Variants in GPR157 observed in about 807,000 individuals in gnomAD.
GPR157 encodes G-protein coupled receptor 157.
Under a neutral mutation model 23.5 loss-of-function variants are expected in GPR157, and 16 were observed. That is an observed-to-expected ratio of 0.68 (90% CI 0.46 to 1.04). The LOEUF (loss-of-function observed/expected upper bound fraction) is 1.04. Among genes scored for constraint, GPR157 ranks in the 50% least tolerant of loss-of-function variants. The pLI, the probability that GPR157 is intolerant of heterozygous loss-of-function variation, is 0.00. For missense variants in GPR157, 440 were observed against 460.7 expected, an observed-to-expected ratio of 0.96 and a Z score of 0.41; for synonymous variants, 200 against 221.5, an observed-to-expected ratio of 0.90 and a Z score of 0.86.
intron 1 of GPR157, among the ~76,000 whole-genome samples, chr1:9,116,199 A>ATATATAATTATATTATATATATTATAT (rs1638642369): frequency 1.0e-4 from 1 of 9,622 alleles, no homozygotes; most frequent in Admixed American, 2.9e-3. Flanking sequence ...TAATATAATT[A>ATATATAATTATATTATATATATTATAT]TATATATAAT....
chr1:9,110,389 G>C (rs12740237), intron 2 of GPR157, among the ~76,000 whole-genome samples: 1 of 152,018 alleles, frequency 6.6e-6, no homozygotes, highest in African/African-American at 2.4e-5. Flanking sequence ...TGGGCGTGGC[G>C]GCACGTGCCT....
intron 1 of GPR157, among the ~76,000 whole-genome samples, chr1:9,112,774 C>T (rs535841793): frequency 1.1e-4 from 16 of 152,104 alleles, no homozygotes; most frequent in Non-Finnish European, 1.3e-4. Context: ...TTCTAGAGCG[C>T]TCTCCCACAG....
At position 9,123,174 on chromosome 1, in the gene GPR157, AATAT is replaced by A. The variant is rs768439052; in HGVS notation, c.383+5467_383+5470del. Among the ~76,000 whole-genome samples the A allele has an allele frequency of 2.0e-4, 24 of 117,078 alleles. 2 individuals carry two copies. Among genetic ancestry groups the A allele is most frequent in the South Asian group, 7.5e-4 (3 of 4,016 alleles). The allele number at this position is 117,078 out of a possible 152,430, so 76.8% of individuals were successfully genotyped here. A position where few individuals can be genotyped will look rare whatever the true frequency, so the allele number is the denominator to read the frequency against. On this transcript the variant is annotated intron_variant, in intron 1 of 3. Transcript: ENST00000377411. Reference sequence around the variant, plus strand: ...ACTGTCTTGGGTGGGAAAAAAAAAAAATATATATATATATATATAAATAAAATTT... The same window carrying A: ...ACTGTCTTGGGTGGGAAAAAAAAAAAATATATATATATATAAATAAAATTT...
At position 9,105,485 on chromosome 1, in the gene GPR157, C is replaced by T. The variant is rs1638270578; in HGVS notation, c.792+1G>A. On this transcript the variant is annotated splice_donor_variant, in intron 3 of 3. Coordinates refer to ENST00000377411, the MANE Select transcript of GPR157 (RefSeq NM_024980.5). LOFTEE classifies it high-confidence loss of function. This position sits in a 1 kb window ranked among gnomAD's most constrained non-coding sequence, Gnocchi z 4.8. ...ACAAGGGCCAGGGAGGGCAGACCTA[C>T]ATGCAGAACCACCAGCACCGGCGTC... The T allele has an allele frequency of 6.4e-7, 1 of 1,557,498 alleles. No individual in the cohort carries two copies. The highest frequency in any genetic ancestry group is 1.2e-5 in the South Asian group (1 of 84,180).
At chr1:9,111,188 C>T (rs956227219) in intron 2 of GPR157, 88 bp downstream of exon 2, 24 of 1,258,304 alleles carry the variant, frequency 1.9e-5, no homozygotes, top group Non-Finnish European at 2.7e-5. Context: ...CGCAACCTGT[C>T]CCCTCGGGGG....
chr1:9,104,325 C>G lies in GPR157; in HGVS notation c.*94G>C, dbSNP rs1193630858. The G allele has an allele frequency of 2.2e-6, 2 of 895,714 alleles. No homozygotes were observed. The highest frequency in any genetic ancestry group is 1.5e-5 in the South Asian group (1 of 64,532). 55.5% of individuals were successfully genotyped at this position (895,714 alleles called of 1,614,324 possible). On this transcript the variant is annotated 3_prime_UTR_variant, in exon 4 of 4. Transcript: ENST00000377411. The stretch of plus-strand genomic sequence containing the variant: ...TCAATAGCGGGGGCTTCTGGTGCAG[C>G]AGACATGCACTTCTGCCCCTGCAGC...
At chr1:9,114,345 A>AAG (rs1553174869) in intron 1 of GPR157, among the ~76,000 whole-genome samples, 2 of 150,704 alleles carry the variant, frequency 1.3e-5, no homozygotes. Context: ...AAAAAAAAAA[A>AAG]GTAATCGGCT....
Position 9,105,616 on chromosome 1 carries a change from G to T in GPR157, c.662C>A (p.Ser221Tyr). Residue 221 changes from serine (S) to tyrosine (Y), a missense_variant, in exon 3 of 4, where the codon TCC becomes TAC. Coordinates refer to ENST00000377411, the MANE Select transcript of GPR157 (RefSeq NM_024980.5). This position sits in a 1 kb window ranked among gnomAD's most constrained non-coding sequence, Gnocchi z 4.8. ...GAGCACCAGCTTCTTGTCCGCCATG[G>T]AGGAGTGGCGCAGCAGGCGGTGCTC... ...SQEHRLLRHS[S>Y]MADKKLVLIP... 2 of 1,612,882 alleles carry T rather than the reference G, an allele frequency of 1.2e-6. No homozygotes were observed. The highest frequency in any genetic ancestry group is 8.5e-7 in the Non-Finnish European group (1 of 1,179,598).
chr1:9,128,862 C>T lies in GPR157; in HGVS notation c.166G>A (p.Ala56Thr). The change falls in exon 1 of 4, where the codon GCC (alanine) becomes ACC (threonine). Residue 56 changes from alanine (A) to threonine (T), a missense_variant. By Grantham distance (58) the Ala-to-Thr change is moderately conservative (BLOSUM62 0). Transcript: ENST00000377411. This position sits in a 1 kb window ranked among gnomAD's most constrained non-coding sequence, Gnocchi z 6.3. ...ARRLLLFLSL[A>T]DLLSAASYFY... is the part of the protein sequence containing the mutation. ...TAGGAGGCGGCCGAGAGCAGGTCGG[C>T]CAGCGACAGGAAGAGCAGCAGGCGC... 2 of 1,582,630 alleles carry T rather than the reference C, an allele frequency of 1.3e-6. No individual in the cohort carries two copies. Among genetic ancestry groups the T allele is most frequent in the Non-Finnish European group, 1.7e-6 (2 of 1,165,432 alleles).
chr1:9,115,291 TATAA>T (rs1300743635), intron 1 of GPR157, among the ~76,000 whole-genome samples: 4 of 152,244 alleles, frequency 2.6e-5, no homozygotes, highest in Non-Finnish European at 5.9e-5. Context: ...GCATACAATT[TATAA>T]ATAATAATAA....
At position 9,105,461 on chromosome 1, in the gene GPR157, C is replaced by A; in HGVS notation, c.792+25G>T. The A allele has an allele frequency of 6.6e-7, 1 of 1,521,848 alleles. No individual in the cohort carries two copies. Among genetic ancestry groups the A allele is most frequent in the Non-Finnish European group, 8.9e-7 (1 of 1,127,986 alleles). The allele number at this position is 1,521,848 out of a possible 1,614,324, so 94.3% of individuals were successfully genotyped here. On this transcript the variant is annotated intron_variant, in intron 3 of 3. Transcript: ENST00000377411. This position sits in a 1 kb window ranked among gnomAD's most constrained non-coding sequence, Gnocchi z 4.8. ...GTGCCTCCTCTGGGGGCAGGGACGA[C>A]AAGGGCCAGGGAGGGCAGACCTACA... is the stretch of plus-strand genomic sequence containing the variant.
At chr1:9,108,749 C>T (rs1230574857) in intron 2 of GPR157, among the ~76,000 whole-genome samples, 2 of 152,118 alleles carry the variant, frequency 1.3e-5, no homozygotes, top group African/African-American at 4.8e-5. Context: ...ACTGTCTCAG[C>T]CTCTCAAGTA....
chr1:9,118,989 T>C lies in GPR157; in HGVS notation c.384-7500A>G, dbSNP rs1638744351. 6.6e-6 allele frequency among the ~76,000 whole-genome samples: 1 copy of C among 150,672 alleles called. No individual in the cohort carries two copies. The highest frequency in any genetic ancestry group is 1.9e-4 in the East Asian group (1 of 5,146). On this transcript the variant is annotated intron_variant, in intron 1 of 3. Transcript: ENST00000377411. This position sits in a 1 kb window ranked among gnomAD's most constrained non-coding sequence, Gnocchi z 4.6. ...GGTTGAGGCTGCAGTGAGCCGTGAC[T>C]GTGCCACTGCACTCTAGCCTGGGTG...
At chr1:9,125,357 G>A (rs1360422816) in intron 1 of GPR157, among the ~76,000 whole-genome samples, 1 of 152,080 alleles carries the variant, frequency 6.6e-6, no homozygotes, top group African/African-American at 2.4e-5. Flanking sequence ...GGGATTACAG[G>A]TGTGAGCTAC....
rs1305030547 is a variant in GPR157, at chr1:9,123,460, TATTTA to T, written c.383+5180_383+5184del. Among the ~76,000 whole-genome samples the T allele has an allele frequency of 3.5e-4, 42 of 120,610 alleles. No homozygotes were observed. The East Asian group carries it at 8.2e-3, about 24-fold the overall frequency. The allele number at this position is 120,610 out of a possible 152,430, so 79.1% of individuals were successfully genotyped here. ...TAATTTAAATACATATTAAAATATATATTTAATTTAAATATATATTTTAAAAATAT... is the reference window on the plus strand; with the variant it reads ...TAATTTAAATACATATTAAAATATATATTTAAATATATATTTTAAAAATAT... On this transcript the variant is annotated intron_variant, in intron 1 of 3. Transcript: ENST00000377411.
Position 9,123,688 on chromosome 1 carries a change from TAA to T in GPR157, c.383+4955_383+4956del, listed in dbSNP as rs1300711889. Among the ~76,000 whole-genome samples, 15 of 113,162 alleles carry T rather than the reference TAA, an allele frequency of 1.3e-4. No homozygotes were observed. In the East Asian group the frequency reaches 2.9e-3, roughly 22 times the overall value. 74.2% of individuals were successfully genotyped at this position (113,162 alleles called of 152,430 possible). ...ATATATTTAATATTAAATATATATT[TAA>T]TATATATTTAATTTTAAATATGTAT... On this transcript the variant is annotated intron_variant, in intron 1 of 3. Coordinates refer to ENST00000377411, the MANE Select transcript of GPR157 (RefSeq NM_024980.5).
rs1638231107 is a variant in GPR157 at position 9,104,658 on chromosome 1, A to G, written c.793-24T>C. The G allele has an allele frequency of 3.2e-6, 5 of 1,542,410 alleles. No homozygotes were observed. In the South Asian group the frequency reaches 4.6e-5, roughly 14 times the overall value. On this transcript the variant is annotated intron_variant, in intron 3 of 3. Coordinates refer to ENST00000377411, the MANE Select transcript of GPR157 (RefSeq NM_024980.5). ...CCCTGTCGGGAGAAAAGGAGCTGTG[A>G]GCATGGGGCTGGAGTTGGTCTCAGA...
rs1412585028 is a variant in GPR157, at chr1:9,128,444, G to A, written c.383+201C>T. On this transcript the variant is annotated intron_variant, in intron 1 of 3. Coordinates refer to ENST00000377411, the MANE Select transcript of GPR157 (RefSeq NM_024980.5). The surrounding 1 kb of genome is among the most constrained non-coding windows in gnomAD (Gnocchi z 6.3). ...GGGGCTGTGCCCTGGGGCAGGCACA[G>A]CGGGGCTCCTTCGGGAGGGAGCGAA... 1 of 687,404 alleles carries A rather than the reference G, an allele frequency of 1.5e-6. No individual in the cohort carries two copies. The highest frequency in any genetic ancestry group is 2.1e-5 in the Admixed American group (1 of 46,870). 42.6% of individuals were successfully genotyped at this position (687,404 alleles called of 1,614,324 possible).
intron 2 of GPR157, among the ~76,000 whole-genome samples, chr1:9,108,926 C>T (rs112648743): frequency 7.9e-5 from 12 of 152,034 alleles, no homozygotes; most frequent in African/African-American, 2.9e-4. Context: ...GCTGGGACTA[C>T]AGGTGCCCAC....
Sources: gnomAD v4.1 joint callset for allele counts (sites outside exome capture counted in the v4.1 genomes callset) on GRCh38, gnomAD v4.1.1 for gene constraint, Gnocchi (gnomAD v3.1) non-coding constraint, MANE v1.5 for transcripts, NCBI Gene and HGNC (gene_info 2026-07-23, HGNC 2026-07-21) for gene names.